C1orf21: variants seen among roughly 807,000 people sequenced by gnomAD.
The protein encoded by C1orf21 is uncharacterized protein C1orf21.
Under a neutral mutation model 18.7 loss-of-function variants are expected in C1orf21, and 3 were observed. The ratio of observed to expected loss-of-function variants is 0.16; its 90% CI spans 0.07 to 0.42. C1orf21 has a LOEUF of 0.42. Among genes scored for constraint, C1orf21 ranks in the 10% least tolerant of loss-of-function variants. The pLI, the probability that C1orf21 is intolerant of heterozygous loss-of-function variation, is 0.99. For missense variants in C1orf21, 104 were observed against 143.6 expected, an observed-to-expected ratio of 0.72 and a Z score of 1.41; for synonymous variants, 41 against 46.4, an observed-to-expected ratio of 0.88 and a Z score of 0.47.
intron 5 of C1orf21, among the ~76,000 whole-genome samples, chr1:184,612,130 A>T (rs527596685): frequency 1.3e-5 from 2 of 152,366 alleles, no homozygotes; most frequent in Admixed American, 6.5e-5. Flanking sequence ...CCAGCAACTA[A>T]CAGAGATTCC....
At chr1:184,420,356 G>A (rs1468494341) in intron 1 of C1orf21, among the ~76,000 whole-genome samples, 3 of 152,088 alleles carry the variant, frequency 2.0e-5, no homozygotes, top group Admixed American at 6.5e-5. Flanking sequence ...ATTCACGTAA[G>A]ACATGGGATT....
chr1:184,575,802 C>A (rs1358459339), intron 3 of C1orf21, among the ~76,000 whole-genome samples: 1 of 151,866 alleles, frequency 6.6e-6, no homozygotes, highest in Admixed American at 6.6e-5. Context: ...GCTAAGAGAC[C>A]CCCCAACCCC....
rs1658677374 is a variant in C1orf21 at position 184,543,000 on chromosome 1, TC to T, written c.189+35320del. 2.0e-5 allele frequency among the ~76,000 whole-genome samples: 3 copies of T among 152,158 alleles called. No individual in the cohort carries two copies. In the South Asian group the frequency reaches 6.2e-4, roughly 32 times the overall value. ...GATACTGCTTAGTGCAAATAAAATG[TC>T]CTCTGGCCTGAACCTTAGAGAACCC... On this transcript the variant is annotated intron_variant, in intron 3 of 5. Coordinates refer to ENST00000235307, the MANE Select transcript of C1orf21 (RefSeq NM_030806.4).
At chr1:184,617,356 A>G (rs1473972008) in intron 5 of C1orf21, among the ~76,000 whole-genome samples, 6 of 152,158 alleles carry the variant, frequency 3.9e-5, no homozygotes, top group Non-Finnish European at 8.8e-5. Context: ...ACTTGGGTCC[A>G]TTTGTAAGTT....
At chr1:184,463,271 C>G (rs920668351) in intron 1 of C1orf21, among the ~76,000 whole-genome samples, 1 of 151,970 alleles carries the variant, frequency 6.6e-6, no homozygotes, top group Admixed American at 6.6e-5. Context: ...CTTGGGATGT[C>G]AGTCTAGGGT....
chr1:184,485,830 T>G (rs1404162366), intron 2 of C1orf21, among the ~76,000 whole-genome samples: 3 of 152,234 alleles, frequency 2.0e-5, no homozygotes, highest in Non-Finnish European at 2.9e-5. Flanking sequence ...TCTGAAGCTG[T>G]TATTTCCCGA....
intron 1 of C1orf21, among the ~76,000 whole-genome samples, chr1:184,401,862 G>A (rs1656158249): frequency 6.7e-6 from 1 of 150,342 alleles, no homozygotes; most frequent in Admixed American, 6.6e-5. Context: ...ATTTCAATAA[G>A]TAATCAGTAT....
chr1:184,560,089 A>G (rs1014411112), intron 3 of C1orf21, among the ~76,000 whole-genome samples: 1 of 152,162 alleles, frequency 6.6e-6, no homozygotes, highest in African/African-American at 2.4e-5. Context: ...AGAATGGCCT[A>G]ATACATGTAG....
intron 4 of C1orf21, among the ~76,000 whole-genome samples, chr1:184,596,507 A>G (rs1359126399): frequency 1.3e-5 from 2 of 152,204 alleles, no homozygotes; most frequent in Non-Finnish European, 2.9e-5. Context: ...GGTCCCTGGA[A>G]TATTTTCTAG....
At chr1:184,428,792 C>G (rs1305943170) in intron 1 of C1orf21, among the ~76,000 whole-genome samples, 1 of 152,104 alleles carries the variant, frequency 6.6e-6, no homozygotes, top group African/African-American at 2.4e-5. Flanking sequence ...TGGGCCCAGA[C>G]AGGGAAAGAA....
At chr1:184,588,061 C>A (rs558046490) in intron 3 of C1orf21, among the ~76,000 whole-genome samples, 2 of 152,248 alleles carry the variant, frequency 1.3e-5, no homozygotes, top group Non-Finnish European at 2.9e-5. Flanking sequence ...GAGAAAAGCA[C>A]CTCTATAGCT....
intron 3 of C1orf21, among the ~76,000 whole-genome samples, chr1:184,550,711 A>AT (rs1658800969): frequency 6.6e-6 from 1 of 151,830 alleles, no homozygotes; most frequent in Admixed American, 6.6e-5. Context: ...ATTTTTCCAT[A>AT]TTTTTTGTGG....
At position 184,590,748 on chromosome 1, in the gene C1orf21, G is replaced by T. The variant is rs755237546; in HGVS notation, c.199G>T (p.Ala67Ser). ...TGTTTATGTGTTTCAGGAAAAAAGT[G>T]CCAGCTCAAATGTAAGACTTAAAAC... ...ARNQENLEKS[A>S]SSNVRLKTNK... is the part of the protein sequence containing the mutation. The change falls in exon 4 of 6, where the codon GCC becomes TCC. Residue 67 changes from alanine to serine, a missense_variant. Transcript: ENST00000235307. The T allele has an allele frequency of 1.9e-6, 3 of 1,613,704 alleles. No homozygotes were observed. The East Asian group carries it at 6.7e-5, about 36-fold the overall frequency.
chr1:184,529,071 T>A (rs935167830), intron 3 of C1orf21, among the ~76,000 whole-genome samples: 2 of 152,168 alleles, frequency 1.3e-5, no homozygotes, highest in Admixed American at 6.5e-5. Context: ...TTACTAGCAA[T>A]GAGAATTTTA....
At chr1:184,531,131 A>G (rs1225563795) in intron 3 of C1orf21, among the ~76,000 whole-genome samples, 2 of 152,210 alleles carry the variant, frequency 1.3e-5, no homozygotes, top group Non-Finnish European at 2.9e-5. Context: ...CCTAAAACAG[A>G]TAGGGCTTCA....
intron 5 of C1orf21, among the ~76,000 whole-genome samples, chr1:184,614,747 T>A (rs140554923): frequency 0.011 from 1,668 of 152,262 alleles, 33 homozygotes; most frequent in African/African-American, 0.038. Flanking sequence ...CACTGACAGA[T>A]CATCAGGCAT....
chr1:184,475,108 C>A (rs756910290), intron 1 of C1orf21, among the ~76,000 whole-genome samples: 7 of 152,174 alleles, frequency 4.6e-5, no homozygotes, highest in Admixed American at 2.0e-4. Context: ...TACAGCTGAA[C>A]CCCTTGTCCT....
intron 1 of C1orf21, among the ~76,000 whole-genome samples, chr1:184,420,360 T>C (rs1443676936): frequency 6.6e-6 from 1 of 152,170 alleles, no homozygotes; most frequent in Non-Finnish European, 1.5e-5. Flanking sequence ...ACGTAAGACA[T>C]GGGATTTCAT....
At chr1:184,453,192 C>T (rs1003587816) in intron 1 of C1orf21, among the ~76,000 whole-genome samples, 1 of 152,132 alleles carries the variant, frequency 6.6e-6, no homozygotes, top group Non-Finnish European at 1.5e-5. Flanking sequence ...TTTTAAAGAA[C>T]TGAACCCCAT....
Sources: allele counts gnomAD v4.1 joint callset (sites outside exome capture counted in the v4.1 genomes callset), GRCh38; gene constraint gnomAD v4.1.1; transcripts MANE v1.5; gene names NCBI Gene and HGNC (gene_info 2026-07-23, HGNC 2026-07-21).